The following XCR1 variants were observed in gnomAD, a reference collection of about 807,000 sequenced individuals.
XCR1 encodes X-C motif chemokine receptor 1.
For synonymous variants in XCR1, 187 were observed against 188.5 expected (o/e 0.99, Z 0.06); for missense variants, 356 against 424.2 (o/e 0.84, Z 1.41).
At chr3:46,023,224 C>G (rs899463034) in intron 1 of XCR1, 6 of 550,252 alleles carry the variant, frequency 1.1e-5, no homozygotes, top group African/African-American at 9.9e-5. Flanking sequence ...GACGCGGCTG[C>G]GTCGCGCTCC....
In XCR1 at chr3:46,072,299, G is replaced by A. The variant is rs535957922; in HGVS notation, c.-263+2352C>T. On this transcript the variant is annotated intron_variant, in intron 3 of 5. Transcript: ENST00000683768. ...CTTGGGAGGCTGAGGTGGGCAGATC[G>A]CTTGAGCCCAGCAGTTCGAGACCAG... Among the ~76,000 whole-genome samples, 17 of 152,144 alleles carry A rather than the reference G, an allele frequency of 1.1e-4. No individual in the cohort carries two copies. The East Asian group carries it at 2.5e-3, about 22-fold the overall frequency.
intron 1 of XCR1, among the ~76,000 whole-genome samples, chr3:46,024,529 A>G (rs1173191982): frequency 6.6e-6 from 1 of 152,200 alleles, no homozygotes; most frequent in Non-Finnish European, 1.5e-5. Flanking sequence ...TAATTAATCT[A>G]TAATGCCATA....
At position 46,021,464 on chromosome 3, in the gene XCR1, T is replaced by C; in HGVS notation, c.484A>G (p.Ile162Val). 4 of 1,613,928 alleles carry C rather than the reference T, an allele frequency of 2.5e-6. No homozygotes were observed. The South Asian group carries it at 3.3e-5, about 13-fold the overall frequency. Residue 162 changes from isoleucine to valine, a missense_variant, in exon 2 of 2, where the codon ATC (isoleucine) becomes GTC (valine). Ile to Val is a conservative substitution (Grantham distance 29). Coordinates refer to ENST00000309285, the MANE Select transcript of XCR1 (RefSeq NM_001024644.2). This position sits in a 1 kb window ranked among gnomAD's most constrained non-coding sequence, Gnocchi z 4.7. ...AVWVASILSS[I>V]LDTIFHKVLS... ...ACCTTGTGGAAGATGGTGTCGAGGA[T>C]GGAGGACAGGATGCTGGCTACCCAC...
intron 5 of XCR1, among the ~76,000 whole-genome samples, chr3:46,045,106 CA>C (rs892840381): frequency 1.1e-4 from 17 of 151,976 alleles, no homozygotes; most frequent in Admixed American, 9.2e-4. Context: ...AAAATATTGT[CA>C]AAAAAAACCC....
Position 46,021,194 on chromosome 3 carries a change from G to A in XCR1, c.754C>T (p.Arg252Trp), listed in dbSNP as rs546663668. The change falls in exon 2 of 2, where the codon CGG (arginine) becomes TGG (tryptophan). Residue 252 changes from arginine to tryptophan, a missense_variant. Physicochemically the swap from Arg to Trp is moderately radical, Grantham distance 101. Coordinates refer to ENST00000309285, the MANE Select transcript of XCR1 (RefSeq NM_001024644.2). This position sits in a 1 kb window ranked among gnomAD's most constrained non-coding sequence, Gnocchi z 4.7. ...TCGCAGCTCCGGATGATCTGGGTCC[G>A]AAACAGCGTCTGCAGAAACAGGGTG... ...NFTLFLQTLF[R>W]TQIIRSCEAK... 3 of 1,614,212 alleles carry A rather than the reference G, an allele frequency of 1.9e-6. No individual in the cohort carries two copies. Among genetic ancestry groups the A allele is most frequent in the East Asian group, 2.2e-5 (1 of 44,890 alleles).
intron 3 of XCR1, among the ~76,000 whole-genome samples, chr3:46,074,093 A>C (rs1319382003): frequency 6.6e-6 from 1 of 152,198 alleles, no homozygotes; most frequent in Non-Finnish European, 1.5e-5. Flanking sequence ...AAAGGAAAAG[A>C]AAATAGTTAT....
chr3:46,058,654 C>T (rs1036055221), intron 4 of XCR1, among the ~76,000 whole-genome samples: 5 of 152,142 alleles, frequency 3.3e-5, no homozygotes, highest in South Asian at 4.1e-4. Context: ...CTCAAGCGAT[C>T]CTCCCACCTC....
intron 4 of XCR1, among the ~76,000 whole-genome samples, chr3:46,060,913 T>C (rs1380304706): frequency 6.6e-6 from 1 of 152,202 alleles, no homozygotes; most frequent in Non-Finnish European, 1.5e-5. Flanking sequence ...ATGGGGAATA[T>C]GGTTAGTCCA....
At chr3:46,068,188 T>C (rs1291522070) in intron 3 of XCR1, among the ~76,000 whole-genome samples, 11 of 152,178 alleles carry the variant, frequency 7.2e-5, no homozygotes, top group Non-Finnish European at 1.5e-4. Flanking sequence ...TCATTCCTCA[T>C]AATTACAAGG....
rs2230322 is a variant in XCR1, at chr3:46,021,837, T to C, written c.111A>G (p.Leu37=). ...WVFATLATTV[L]YCLVFLLSLV... ...GGCTGAGGAGAAACACCAGGCAGTATAGGACAGTGGTGGCGAGGGTAGCAA... is the reference window on the plus strand; with the variant it reads ...GGCTGAGGAGAAACACCAGGCAGTACAGGACAGTGGTGGCGAGGGTAGCAA... The change falls in exon 2 of 2, where the codon CTA becomes CTG. Residue 37 remains leucine (L), a synonymous_variant. Transcript: ENST00000309285. The surrounding 1 kb of genome is among the most constrained non-coding windows in gnomAD (Gnocchi z 4.7). 0.13 allele frequency: 215,410 copies of C among 1,613,728 alleles called. 20,331 individuals carry two copies. Among genetic ancestry groups the C allele is most frequent in the African/African-American group, 0.4 (30,003 of 74,830 alleles).
At chr3:46,054,267 T>C (rs1041898287) in intron 4 of XCR1, among the ~76,000 whole-genome samples, 5 of 152,070 alleles carry the variant, frequency 3.3e-5, no homozygotes, top group Non-Finnish European at 5.9e-5. Context: ...AGAGTAGGCT[T>C]GCAAGACTGC....
At chr3:46,052,504 C>G (rs1262440362) in intron 5 of XCR1, among the ~76,000 whole-genome samples, 1 of 152,224 alleles carries the variant, frequency 6.6e-6, no homozygotes, top group East Asian at 1.9e-4. Flanking sequence ...AAGATCCTTT[C>G]TGTCCTGAGA....
At chr3:46,059,125 C>T (rs1351254884) in intron 4 of XCR1, among the ~76,000 whole-genome samples, 2 of 152,158 alleles carry the variant, frequency 1.3e-5, no homozygotes, top group Non-Finnish European at 2.9e-5. Context: ...CTTGAAGGCA[C>T]AAGAAAGTTA....
intron 5 of XCR1, among the ~76,000 whole-genome samples, chr3:46,034,758 GC>G: frequency 6.6e-6 from 1 of 152,108 alleles, no homozygotes; most frequent in Middle Eastern, 3.4e-3. Flanking sequence ...CCCATAGAGA[GC>G]TTTTTTGATG....
chr3:46,044,310 T>C (rs1165724884), intron 5 of XCR1, among the ~76,000 whole-genome samples: 1 of 152,188 alleles, frequency 6.6e-6, no homozygotes, highest in Non-Finnish European at 1.5e-5. Context: ...TGATTTTGTG[T>C]TTCTCTGGTG....
intron 2 of XCR1, among the ~76,000 whole-genome samples, chr3:46,076,518 G>T (rs1164491177): frequency 1.3e-5 from 2 of 150,638 alleles, no homozygotes; most frequent in African/African-American, 4.9e-5. Flanking sequence ...TGCTTTAGAT[G>T]TGATGTTGGT....
intron 5 of XCR1, among the ~76,000 whole-genome samples, chr3:46,036,600 A>C (rs372214984): frequency 1.3e-5 from 2 of 152,208 alleles, no homozygotes; most frequent in East Asian, 3.8e-4. Flanking sequence ...AAAAATAGGA[A>C]TGTCTTAAGA....
At chr3:46,079,976 A>G (rs960902403) in intron 1 of XCR1, among the ~76,000 whole-genome samples, 2 of 152,140 alleles carry the variant, frequency 1.3e-5, no homozygotes, top group Non-Finnish European at 2.9e-5. Flanking sequence ...CTGTGATGCC[A>G]TTTCCTGGGT....
intron 5 of XCR1, among the ~76,000 whole-genome samples, chr3:46,052,038 A>ACAAAC (rs1697755798): frequency 1.6e-5 from 2 of 121,396 alleles, no homozygotes; most frequent in South Asian, 6.3e-4. Flanking sequence ...AAAAACAAAA[A>ACAAAC]CAAAAAAAAA....
Sources: allele counts gnomAD v4.1 joint callset (sites outside exome capture counted in the v4.1 genomes callset), GRCh38; gene constraint gnomAD v4.1.1; non-coding constraint Gnocchi (gnomAD v3.1); transcripts MANE v1.5; gene names NCBI Gene and HGNC (gene_info 2026-07-23, HGNC 2026-07-21).